PDSS2: variants seen among roughly 807,000 people sequenced by gnomAD.
PDSS2 encodes the protein all trans-polyprenyl-diphosphate synthase PDSS2.
PDSS2 carries 31 observed loss-of-function variants against 44.5 expected under a neutral mutation model. That is an observed-to-expected ratio of 0.70 (90% CI 0.52 to 0.94). The LOEUF (loss-of-function observed/expected upper bound fraction) is 0.94. Among genes scored for constraint, PDSS2 ranks in the 40% least tolerant of loss-of-function variants. The pLI, the probability that PDSS2 is intolerant of heterozygous loss-of-function variation, is 0.00. For synonymous variants in PDSS2, 157 were observed against 180.3 expected (o/e 0.87, Z 1.03); for missense variants, 452 against 482.2 (o/e 0.94, Z 0.59).
intron 1 of PDSS2, among the ~76,000 whole-genome samples, chr6:107,343,804 T>A (rs1778153658): frequency 6.6e-6 from 1 of 152,182 alleles, no homozygotes; most frequent in African/African-American, 2.4e-5. Context: ...AAAGTATTCT[T>A]GCATTTTTCT....
At chr6:107,224,817 AC>A (rs1773731437) in intron 4 of PDSS2, among the ~76,000 whole-genome samples, 1 of 151,082 alleles carries the variant, frequency 6.6e-6, no homozygotes, top group African/African-American at 2.5e-5. Flanking sequence ...TTGCTGCAAA[AC>A]AAACTAGCAT....
chr6:107,459,468 G>A lies in PDSS2; in HGVS notation c.-183C>T, dbSNP rs1782176076. 1.6e-6 allele frequency: 1 copy of A among 613,740 alleles called. No individual in the cohort carries two copies. The highest frequency in any genetic ancestry group is 2.9e-6 in the Non-Finnish European group (1 of 346,734). 38.0% of individuals were successfully genotyped at this position (613,740 alleles called of 1,614,324 possible). On this transcript the variant is annotated 5_prime_UTR_variant, in exon 1 of 8. Coordinates refer to ENST00000369037, the MANE Select transcript of PDSS2 (RefSeq NM_020381.4). This position sits in a 1 kb window ranked among gnomAD's most constrained non-coding sequence, Gnocchi z 4.3. The stretch of plus-strand genomic sequence containing the variant: ...TTAACTGCTGCTTTCTGCAGCCCAG[G>A]CTGGGCAAACAACAGTCCCAGCTCA...
chr6:107,176,315 T>G (rs1294170693), intron 7 of PDSS2, among the ~76,000 whole-genome samples: 1 of 152,014 alleles, frequency 6.6e-6, no homozygotes, highest in Admixed American at 6.6e-5. Context: ...GTACTGGGAT[T>G]ACAGGTTGAG....
chr6:107,252,089 A>G (rs1197740124), intron 3 of PDSS2, among the ~76,000 whole-genome samples: 6 of 152,204 alleles, frequency 3.9e-5, no homozygotes, highest in Non-Finnish European at 1.5e-5. Context: ...TCTGAAGAAC[A>G]CAGGGCACAG....
chr6:107,289,121 C>T (rs547406059), intron 2 of PDSS2, among the ~76,000 whole-genome samples: 89 of 150,734 alleles, frequency 5.9e-4, no homozygotes, highest in African/African-American at 2.2e-3. Context: ...ACCTGTAATA[C>T]CAGCATTTTG....
At chr6:107,283,983 G>T (rs187636475) in intron 2 of PDSS2, among the ~76,000 whole-genome samples, 1 of 151,646 alleles carries the variant, frequency 6.6e-6, no homozygotes, top group African/African-American at 2.4e-5. Flanking sequence ...CCTAGATGGT[G>T]CCATTGCACT....
At chr6:107,458,174 G>A (rs960870135) in intron 1 of PDSS2, among the ~76,000 whole-genome samples, 5 of 150,908 alleles carry the variant, frequency 3.3e-5, no homozygotes, top group Admixed American at 2.6e-4. Context: ...CAGGTGTGGG[G>A]TTTAAGTGGA....
chr6:107,458,728 C>A (rs896468646), intron 1 of PDSS2, among the ~76,000 whole-genome samples: 11 of 151,950 alleles, frequency 7.2e-5, no homozygotes, highest in Non-Finnish European at 2.9e-5. Context: ...ACTGAGGCAT[C>A]TTCATCCTCA....
chr6:107,314,622 C>A (rs1447585655), intron 2 of PDSS2, among the ~76,000 whole-genome samples: 1 of 152,142 alleles, frequency 6.6e-6, no homozygotes, highest in African/African-American at 2.4e-5. Flanking sequence ...TTACACAGTG[C>A]TCATTAGATA....
At chr6:107,222,540 A>T (rs1773643209) in intron 4 of PDSS2, among the ~76,000 whole-genome samples, 1 of 151,836 alleles carries the variant, frequency 6.6e-6, no homozygotes, top group South Asian at 2.1e-4. Flanking sequence ...CTGTAATCCC[A>T]GCTACTCAGG....
intron 1 of PDSS2, among the ~76,000 whole-genome samples, chr6:107,387,716 C>T (rs1779653027): frequency 6.6e-6 from 1 of 152,198 alleles, no homozygotes. Flanking sequence ...GGCTTTCCAG[C>T]CCTACTGACC....
intron 1 of PDSS2, among the ~76,000 whole-genome samples, chr6:107,408,571 C>T (rs1175435081): frequency 1.3e-5 from 2 of 152,042 alleles, no homozygotes; most frequent in Non-Finnish European, 2.9e-5. Flanking sequence ...TCTCAAATGC[C>T]TAAAGAAGCC....
At chr6:107,348,826 T>C (rs749394235) in intron 1 of PDSS2, among the ~76,000 whole-genome samples, 1 of 152,164 alleles carries the variant, frequency 6.6e-6, no homozygotes, top group African/African-American at 2.4e-5. Flanking sequence ...ATAGCGAATA[T>C]CTATTGCAGG....
At chr6:107,170,127 C>T (rs1459867212) in intron 7 of PDSS2, among the ~76,000 whole-genome samples, 2 of 152,158 alleles carry the variant, frequency 1.3e-5, no homozygotes, top group Non-Finnish European at 2.9e-5. Flanking sequence ...GGGCTTCACC[C>T]AGTTGGAGCT....
chr6:107,428,711 C>A (rs1253870921), intron 1 of PDSS2, among the ~76,000 whole-genome samples: 2 of 152,016 alleles, frequency 1.3e-5, no homozygotes, highest in Non-Finnish European at 2.9e-5. Context: ...GTAGTGTACA[C>A]CTATAGTCCC....
intron 7 of PDSS2, among the ~76,000 whole-genome samples, chr6:107,171,610 A>C (rs1321333883): frequency 6.6e-6 from 1 of 151,964 alleles, no homozygotes; most frequent in Non-Finnish European, 1.5e-5. Flanking sequence ...TTCCAGCCTC[A>C]AGCAATCTTC....
rs998005885 is a variant in PDSS2, at chr6:107,185,415, G to T, written c.1041+8407C>A. On this transcript the variant is annotated intron_variant, in intron 7 of 7. Coordinates refer to ENST00000369037, the MANE Select transcript of PDSS2 (RefSeq NM_020381.4). Reference sequence around the variant, plus strand: ...TTAAAAAGAAACTGGGAAAAAGTCTGTGTCTCTGTGACGGAGATATTTAAA... The same window carrying T: ...TTAAAAAGAAACTGGGAAAAAGTCTTTGTCTCTGTGACGGAGATATTTAAA... Among the ~76,000 whole-genome samples, 22 of 152,252 alleles carry T rather than the reference G, an allele frequency of 1.4e-4. No individual in the cohort carries two copies. In the South Asian group the frequency reaches 2.5e-3, roughly 17 times the overall value.
chr6:107,415,697 T>C (rs921810609), intron 1 of PDSS2, among the ~76,000 whole-genome samples: 1 of 152,244 alleles, frequency 6.6e-6, no homozygotes, highest in African/African-American at 2.4e-5. Context: ...TCTACTTCAA[T>C]GTCCACCTAA....
chr6:107,356,799 A>G (rs1461731879), intron 1 of PDSS2, among the ~76,000 whole-genome samples: 1 of 152,216 alleles, frequency 6.6e-6, no homozygotes, highest in Non-Finnish European at 1.5e-5. Context: ...AACCATGACA[A>G]TACCAGAGTC....
Sources: allele counts gnomAD v4.1 joint callset (sites outside exome capture counted in the v4.1 genomes callset), GRCh38; gene constraint gnomAD v4.1.1; non-coding constraint Gnocchi (gnomAD v3.1); transcripts MANE v1.5; gene names NCBI Gene and HGNC (gene_info 2026-07-23, HGNC 2026-07-21).